GABBR1: variants seen among roughly 807,000 people sequenced by gnomAD.
The protein encoded by GABBR1 is GABA-B receptor, R1 subunit.
GABBR1 carries 35 observed loss-of-function variants against 117.7 expected under a neutral mutation model. That is an observed-to-expected ratio of 0.30 (90% CI 0.23 to 0.39). The LOEUF (loss-of-function observed/expected upper bound fraction) is 0.39. Among genes scored for constraint, GABBR1 ranks in the 10% least tolerant of loss-of-function variants. GABBR1 has a pLI of 1.00. For synonymous variants in GABBR1, 442 were observed against 486.6 expected (o/e 0.91, Z 1.21); for missense variants, 709 against 1,241.8 (o/e 0.57, Z 6.45).
At position 29,605,850 on chromosome 6, in the gene GABBR1, C is replaced by T. The variant is rs1761895481; in HGVS notation, c.2312-154G>A. On this transcript the variant is annotated intron_variant, in intron 19 of 22. Coordinates refer to ENST00000377034, the MANE Select transcript of GABBR1 (RefSeq NM_001470.4). This position sits in a 1 kb window ranked among gnomAD's most constrained non-coding sequence, Gnocchi z 4.2. ...TGACCTAGCAAACCTCACCCTGTGTCCCCTATCCCTTATGTCCACCCAACT... is the reference window on the plus strand; with the variant it reads ...TGACCTAGCAAACCTCACCCTGTGTTCCCTATCCCTTATGTCCACCCAACT... The T allele has an allele frequency of 2.4e-6, 2 of 834,604 alleles. No individual in the cohort carries two copies. Among genetic ancestry groups the T allele is most frequent in the Non-Finnish European group, 1.8e-6 (1 of 545,098 alleles). 51.7% of individuals were successfully genotyped at this position (834,604 alleles called of 1,614,324 possible). A position where few individuals can be genotyped will look rare whatever the true frequency, so the allele number is the denominator to read the frequency against.
intron 22 of GABBR1, among the ~76,000 whole-genome samples, chr6:29,603,930 C>T (rs559996464): frequency 2.0e-5 from 3 of 151,930 alleles, no homozygotes; most frequent in African/African-American, 4.8e-5. Flanking sequence ...AGAAAAAATG[C>T]GATCAGGGAA....
At position 29,631,556 on chromosome 6, in the gene GABBR1, G is replaced by A; in HGVS notation, c.129C>T (p.Tyr43=). Residue 43 remains tyrosine (Y), a synonymous_variant, in exon 3 of 23, where the codon TAC becomes TAT. Transcript: ENST00000377034. The surrounding 1 kb of genome is among the most constrained non-coding windows in gnomAD (Gnocchi z 5.9). Reference sequence around the variant, plus strand: ...TCACCTGGTCCCGAGTCAGGCCCCGGTACCTGATGCCCCCTTCCCAGGGCG... The same window carrying A: ...TCACCTGGTCCCGAGTCAGGCCCCGATACCTGATGCCCCCTTCCCAGGGCG... ...IHPPWEGGIR[Y]RGLTRDQVKA... is the part of the protein sequence containing the mutation. 1 of 1,614,196 alleles carries A rather than the reference G, an allele frequency of 6.2e-7. No homozygotes were observed. The highest frequency in any genetic ancestry group is 2.2e-5 in the East Asian group (1 of 44,888).
Position 29,627,238 on chromosome 6 carries a change from G to A in GABBR1, c.657+248C>T, listed in dbSNP as rs56045105. ...CCGACACTTCTGCGAGACTCCCGCA[G>A]CGGGGCAGAAGGGTCTGCCTTGCAG... On this transcript the variant is annotated intron_variant, in intron 6 of 22. Transcript: ENST00000377034. This position sits in a 1 kb window ranked among gnomAD's most constrained non-coding sequence, Gnocchi z 4.4. Among the ~76,000 whole-genome samples the A allele has an allele frequency of 0.04, 6,145 of 152,240 alleles. 205 individuals are homozygous for A. The highest frequency in any genetic ancestry group is 0.11 in the East Asian group (576 of 5,158).
chr6:29,627,660 C>A lies in GABBR1; in HGVS notation c.497-14G>T. 1 of 1,540,546 alleles carries A rather than the reference C, an allele frequency of 6.5e-7. No homozygotes were observed. Among genetic ancestry groups the A allele is most frequent in the Non-Finnish European group, 8.7e-7 (1 of 1,148,116 alleles). On this transcript the variant is annotated splice_polypyrimidine_tract_variant and intron_variant, in intron 5 of 22. Transcript: ENST00000377034. This position sits in a 1 kb window ranked among gnomAD's most constrained non-coding sequence, Gnocchi z 4.4. ...CTGCGCGCCGTTCTGAGGAGGGGTGCGGGGGGACCCGCGAGTGAGGCCGCG... is the reference window on the plus strand; with the variant it reads ...CTGCGCGCCGTTCTGAGGAGGGGTGAGGGGGGACCCGCGAGTGAGGCCGCG...
At chr6:29,608,262 A>C (rs1762161829) in intron 16 of GABBR1, among the ~76,000 whole-genome samples, 2 of 152,142 alleles carry the variant, frequency 1.3e-5, no homozygotes, top group Admixed American at 1.3e-4. Flanking sequence ...CACAGTTCTG[A>C]TTCTCAGCCC....
At chr6:29,612,740 C>G (rs1004965861) in intron 12 of GABBR1, 126 bp from the exon 13 acceptor site, 1 of 825,928 alleles carries the variant, frequency 1.2e-6, no homozygotes, top group Non-Finnish European at 2.1e-6. Context: ...CTATTTATGG[C>G]ATTTGCCTGC....
At chr6:29,610,803 C>A (rs1762461238) in intron 14 of GABBR1, 121 bp downstream of exon 14, 2 of 816,628 alleles carry the variant, frequency 2.4e-6, no homozygotes, top group South Asian at 1.6e-5. Flanking sequence ...TTTCTCCTGG[C>A]CCAGCTGCCA....
chr6:29,632,348 C>G lies in GABBR1; in HGVS notation c.38G>C (p.Arg13Pro). Reference protein sequence around the residue: ...LLLLLAPLFLRPPGAGGAQTP... With the variant: ...LLLLLAPLFLPPPGAGGAQTP... ...CTGCGCCCCGCCCGCGCCCGGGGGG[C>G]GGAGGAAGAGTGGCGCCAGTAGCAG... The change falls in exon 2 of 23, where the codon CGC becomes CCC. Residue 13 changes from arginine (R) to proline (P), a missense_variant. Physicochemically the swap from Arg to Pro is moderately radical, Grantham distance 103. This residue lies in a region of GABBR1 where 43 missense variants were observed against 42.8 expected (regional missense o/e 1.00). Coordinates refer to ENST00000377034, the MANE Select transcript of GABBR1 (RefSeq NM_001470.4). This position sits in a 1 kb window ranked among gnomAD's most constrained non-coding sequence, Gnocchi z 5.8. The G allele has an allele frequency of 7.4e-7, 1 of 1,360,540 alleles. No homozygotes were observed. The highest frequency in any genetic ancestry group is 9.5e-7 in the Non-Finnish European group (1 of 1,052,078). 84.3% of individuals were successfully genotyped at this position (1,360,540 alleles called of 1,614,324 possible). A position where few individuals can be genotyped will look rare whatever the true frequency, so the allele number is the denominator to read the frequency against.
intron 6 of GABBR1, among the ~76,000 whole-genome samples, chr6:29,626,531 C>T (rs1438284099): frequency 6.6e-6 from 1 of 151,956 alleles, no homozygotes; most frequent in East Asian, 1.9e-4. Flanking sequence ...TATAAGCTAT[C>T]CCCTAATACC....
Position 29,630,754 on chromosome 6 carries a change from G to C in GABBR1, c.290-111C>G. 2.5e-6 allele frequency: 2 copies of C among 808,212 alleles called. No individual in the cohort carries two copies. The highest frequency in any genetic ancestry group is 3.9e-6 in the Non-Finnish European group (2 of 518,072). 50.1% of individuals were successfully genotyped at this position (808,212 alleles called of 1,614,324 possible). On this transcript the variant is annotated intron_variant, in intron 3 of 22. Coordinates refer to ENST00000377034, the MANE Select transcript of GABBR1 (RefSeq NM_001470.4). This position sits in a 1 kb window ranked among gnomAD's most constrained non-coding sequence, Gnocchi z 4.9. ...GGGTCCACAAGCATCCTGCTCTAAA[G>C]AAAATCACATGTGAAAAGGATTTGC...
At chr6:29,626,097 C>T (rs1764240742) in intron 6 of GABBR1, among the ~76,000 whole-genome samples, 1 of 152,098 alleles carries the variant, frequency 6.6e-6, no homozygotes, top group African/African-American at 2.4e-5. Flanking sequence ...TTAACAAACT[C>T]CTCTGGTGAT....
In GABBR1 at chr6:29,607,041, G is replaced by A. The variant is rs775361110; in HGVS notation, c.2110-37C>T. ...TGTGGGGAGAACAGGCACGTCAGGG[G>A]AAAATGCTCTGTGCCCCAGGAGCCA... On this transcript the variant is annotated intron_variant, in intron 17 of 22. Coordinates refer to ENST00000377034, the MANE Select transcript of GABBR1 (RefSeq NM_001470.4). This position sits in a 1 kb window ranked among gnomAD's most constrained non-coding sequence, Gnocchi z 5.0. The A allele has an allele frequency of 2.5e-6, 4 of 1,610,244 alleles. No homozygotes were observed. In the Admixed American group the frequency reaches 5.0e-5, roughly 20 times the overall value.
Position 29,631,282 on chromosome 6 carries a change from T to G in GABBR1, c.289+114A>C. On this transcript the variant is annotated intron_variant, in intron 3 of 22. Coordinates refer to ENST00000377034, the MANE Select transcript of GABBR1 (RefSeq NM_001470.4). This position sits in a 1 kb window ranked among gnomAD's most constrained non-coding sequence, Gnocchi z 5.9. ...ATGTAGTAGTCATTCAATAAATGTA[T>G]TTGTGAATTTTGGTATACTGGATTT... The G allele has an allele frequency of 1.9e-6, 2 of 1,056,766 alleles. No individual in the cohort carries two copies. Among genetic ancestry groups the G allele is most frequent in the Non-Finnish European group, 2.8e-6 (2 of 706,392 alleles). 65.5% of individuals were successfully genotyped at this position (1,056,766 alleles called of 1,614,324 possible). A position where few individuals can be genotyped will look rare whatever the true frequency, so the allele number is the denominator to read the frequency against.
chr6:29,616,453 A>C (rs1763117010), intron 11 of GABBR1, among the ~76,000 whole-genome samples: 1 of 151,800 alleles, frequency 6.6e-6, no homozygotes, highest in Non-Finnish European at 1.5e-5. Context: ...CAGGAGGCTG[A>C]GGAGGGTGAA....
At chr6:29,628,058 T>G (rs1583017604) in intron 5 of GABBR1, 1 of 925,400 alleles carries the variant, frequency 1.1e-6, no homozygotes, top group Non-Finnish European at 1.3e-6. Context: ...GATGTGGGGC[T>G]GGGAGGGGGC....
chr6:29,605,991 C>T lies in GABBR1; in HGVS notation c.2312-295G>A. 1.8e-6 allele frequency: 1 copy of T among 546,062 alleles called. No individual in the cohort carries two copies. Among genetic ancestry groups the T allele is most frequent in the South Asian group, 2.3e-5 (1 of 42,972 alleles). The allele number at this position is 546,062 out of a possible 1,614,324, so 33.8% of individuals were successfully genotyped here. ...TAGAAATAGGCCAGTCTGGGCCACA[C>T]ATGCCTCACCCTTACCCTACAGGTG... On this transcript the variant is annotated intron_variant, in intron 19 of 22. Coordinates refer to ENST00000377034, the MANE Select transcript of GABBR1 (RefSeq NM_001470.4). The surrounding 1 kb of genome is among the most constrained non-coding windows in gnomAD (Gnocchi z 4.2).
In GABBR1 at chr6:29,627,455, A is replaced by G; in HGVS notation, c.657+31T>C. 8.8e-6 allele frequency: 3 copies of G among 341,718 alleles called. No individual in the cohort carries two copies. The highest frequency in any genetic ancestry group is 1.4e-5 in the Non-Finnish European group (3 of 213,546). The allele number at this position is 341,718 out of a possible 1,614,324, so 21.2% of individuals were successfully genotyped here. A position where few individuals can be genotyped will look rare whatever the true frequency, so the allele number is the denominator to read the frequency against. On this transcript the variant is annotated intron_variant, in intron 6 of 22. Transcript: ENST00000377034. This position sits in a 1 kb window ranked among gnomAD's most constrained non-coding sequence, Gnocchi z 4.4. ...CTGGCCCCCTGCCCCGCAAGCCCCC[A>G]CCTCCCACCCACCCCCATGTCCAGG... is the stretch of plus-strand genomic sequence containing the variant.
intron 13 of GABBR1, among the ~76,000 whole-genome samples, chr6:29,612,025 A>G (rs1178816199): frequency 1.3e-5 from 2 of 152,110 alleles, no homozygotes; most frequent in Non-Finnish European, 2.9e-5. Flanking sequence ...TCTTTGAGAC[A>G]GAGTCTTACT....
rs1183209831 is a variant in GABBR1, at chr6:29,607,491, A to G, written c.1993-273T>C. On this transcript the variant is annotated intron_variant, in intron 16 of 22. Coordinates refer to ENST00000377034, the MANE Select transcript of GABBR1 (RefSeq NM_001470.4). This position sits in a 1 kb window ranked among gnomAD's most constrained non-coding sequence, Gnocchi z 5.0. ...TGGCTTTAGTGGCCAAAAACCTCCA[A>G]CCACTCCCCAATATCTATAAGTTAT... Among the ~76,000 whole-genome samples the G allele has an allele frequency of 6.6e-6, 1 of 152,038 alleles. No individual in the cohort carries two copies. Among genetic ancestry groups the G allele is most frequent in the East Asian group, 1.9e-4 (1 of 5,184 alleles).
Sources: gnomAD v4.1 joint callset for allele counts (sites outside exome capture counted in the v4.1 genomes callset) on GRCh38, gnomAD v4.1.1 for gene constraint, gnomAD v4.1.1 regional missense constraint, Gnocchi (gnomAD v3.1) non-coding constraint, MANE v1.5 for transcripts, NCBI Gene and HGNC (gene_info 2026-07-23, HGNC 2026-07-21) for gene names.